Variants in FN1 observed in about 807,000 individuals in gnomAD.
FN1 encodes the protein fibronectin 1.
A neutral mutation model predicts 297.3 loss-of-function variants in FN1; 106 were observed. The observed-to-expected ratio is 0.36, with a 90% confidence interval of 0.30 to 0.42. FN1 has a LOEUF of 0.42. FN1 is among the 10% of genes least tolerant of loss of function. The probability of loss-of-function intolerance (pLI) is 1.00; values close to 1 mark genes in which losing one functional copy is unlikely to be tolerated. For missense variants in FN1, 2,690 were observed against 3,124.9 expected, an observed-to-expected ratio of 0.86 and a Z score of 3.32; for synonymous variants, 1,149 against 1,152.6, an observed-to-expected ratio of 1.00 and a Z score of 0.06.
rs752269352 is a variant in FN1 at position 215,361,994 on chromosome 2, T to C, written c.7337A>G (p.Gln2446Arg). The C allele has an allele frequency of 1.2e-6, 2 of 1,613,230 alleles. No homozygotes were observed. Among genetic ancestry groups the C allele is most frequent in the Admixed American group, 1.7e-5 (1 of 60,016 alleles). Residue 2446 changes from glutamine to arginine, a missense_variant, in exon 45 of 46, where the codon CAG becomes CGG. Gln to Arg is a conservative substitution (Grantham distance 43, BLOSUM62 1). Transcript: ENST00000354785. ...AGTGTTTGTTCTCTGATGGTATCTC[T>C]GAGAATACTGGTTGTAGGACTGGCC... ...TTGQSYNQYS[Q>R]RYHQRTNTNV...
intron 20 of FN1, 60 bp from the exon 21 acceptor site, chr2:215,399,411 TA>T (rs1451717684): frequency 9.1e-6 from 10 of 1,103,866 alleles, no homozygotes; most frequent in Non-Finnish European, 1.4e-5. Context: ...TTGCATAGCA[TA>T]TAGATAACAA....
chr2:215,412,598 G>A (rs1169431208), intron 13 of FN1, among the ~76,000 whole-genome samples: 2 of 151,970 alleles, frequency 1.3e-5, no homozygotes, highest in African/African-American at 4.8e-5. Flanking sequence ...TACCATGCCC[G>A]GCTAATTTTT....
chr2:215,403,263 C>T (rs1266916373), intron 20 of FN1, among the ~76,000 whole-genome samples: 2 of 152,108 alleles, frequency 1.3e-5, no homozygotes, highest in East Asian at 1.9e-4. Context: ...AAAAAGCCTT[C>T]ATGAGCCAAA....
intron 45 of FN1, 111 bp downstream of exon 45, chr2:215,361,858 G>GT (rs1220584075): frequency 8.0e-6 from 11 of 1,383,586 alleles, no homozygotes; most frequent in Admixed American, 2.2e-5. Flanking sequence ...TCATTTATGA[G>GT]TTGTTTTTTT....
chr2:215,428,180 C>T lies in FN1; in HGVS notation c.844G>A (p.Gly282Arg). ...CGCCCCTGCTCGTCCTGTGCCTCAC[C>T]GCTCGATGTGGTCTGCACAGAGGTG... The part of the protein sequence containing the change: ...RHTSVQTTSS[G>R]SGPFTDVRAA... The change falls in exon 6 of 46, where the codon GGA (glycine) becomes AGA (arginine). Residue 282 changes from glycine (G) to arginine (R), a missense_variant and splice_region_variant. Gly to Arg is a moderately radical substitution (Grantham distance 125, BLOSUM62 -2). Coordinates refer to ENST00000354785, the MANE Select transcript of FN1 (RefSeq NM_212482.4). The T allele has an allele frequency of 1.9e-6, 3 of 1,613,996 alleles. No individual in the cohort carries two copies. The highest frequency in any genetic ancestry group is 2.5e-6 in the Non-Finnish European group (3 of 1,180,038).
At chr2:215,382,740 C>T (rs1250933300) in intron 31 of FN1, among the ~76,000 whole-genome samples, 13 of 152,094 alleles carry the variant, frequency 8.5e-5, no homozygotes, top group African/African-American at 2.9e-4. Context: ...GAATGATAAA[C>T]AAAACCAGAA....
At position 215,372,008 on chromosome 2, in the gene FN1, T is replaced by G; in HGVS notation, c.6615A>C (p.Glu2205Asp). 6.2e-7 allele frequency: 1 copy of G among 1,614,220 alleles called. No individual in the cohort carries two copies. The highest frequency in any genetic ancestry group is 8.5e-7 in the Non-Finnish European group (1 of 1,180,040). The change falls in exon 40 of 46, where the codon GAA becomes GAC. Residue 2205 changes from glutamate to aspartate, a missense_variant. Coordinates refer to ENST00000354785, the MANE Select transcript of FN1 (RefSeq NM_212482.4). ...ATGAGATGGTTGTCTGAGAGAGAGCTTCTTGTCCTGTAGAGGCATTTGGAT... is the reference window on the plus strand; with the variant it reads ...ATGAGATGGTTGTCTGAGAGAGAGCGTCTTGTCCTGTAGAGGCATTTGGAT... ...GLNPNASTGQ[E>D]ALSQTTISWA...
chr2:215,374,002 C>T (rs763405779), intron 38 of FN1, among the ~76,000 whole-genome samples: 1 of 152,136 alleles, frequency 6.6e-6, no homozygotes, highest in Non-Finnish European at 1.5e-5. Flanking sequence ...ATTCTTTTAA[C>T]GTGGTCTTAT....
chr2:215,382,919 C>T (rs1271075423), intron 31 of FN1, among the ~76,000 whole-genome samples: 2 of 151,658 alleles, frequency 1.3e-5, no homozygotes, highest in African/African-American at 4.8e-5. Flanking sequence ...ATAGTACTCA[C>T]AACAAGGTAG....
Position 215,436,001 on chromosome 2 carries a change from A to G in FN1, c.-199T>C. 8.2e-7 allele frequency: 1 copy of G among 1,218,668 alleles called. No homozygotes were observed. The highest frequency in any genetic ancestry group is 2.9e-5 in the Admixed American group (1 of 34,260). 75.5% of individuals were successfully genotyped at this position (1,218,668 alleles called of 1,614,324 possible). The stretch of plus-strand genomic sequence containing the variant: ...AGAGGACCAGAGAAGTTGTGGCTGC[A>G]GGTCCCCTCTTCCCGCTCGCGCCTG... On this transcript the variant is annotated 5_prime_UTR_variant, in exon 1 of 46. Transcript: ENST00000354785.
chr2:215,416,655 C>T (rs1038717038), intron 12 of FN1, among the ~76,000 whole-genome samples: 1 of 152,116 alleles, frequency 6.6e-6, no homozygotes, highest in African/African-American at 2.4e-5. Context: ...TTAGTCTTGT[C>T]AATCATGATT....
chr2:215,401,259 A>AAAGGAAGGAAGGAAGGAAGGAAGG (rs1553629757), intron 20 of FN1, among the ~76,000 whole-genome samples: 1 of 81,748 alleles, frequency 1.2e-5, no homozygotes, highest in African/African-American at 4.8e-5. Flanking sequence ...AGGAAGAAAG[A>AAAGGAAGGAAGGAAGGAAGGAAGG]AAGGAAGGAA....
intron 31 of FN1, 99 bp downstream of exon 31, chr2:215,383,229 A>G (rs1167472436): frequency 1.1e-5 from 14 of 1,235,416 alleles, no homozygotes; most frequent in Non-Finnish European, 1.6e-5. Context: ...GCTGGTCTCG[A>G]ACTCCTAACC....
At chr2:215,379,991 C>A (rs1036122338) in intron 33 of FN1, 1 of 152,490 alleles carries the variant, frequency 6.6e-6, no homozygotes, top group African/African-American at 2.4e-5. Flanking sequence ...CCACTGCACC[C>A]GGCCTCCTTT....
In FN1 at chr2:215,409,599, C is replaced by T; in HGVS notation, c.2263G>A (p.Glu755Lys). The change falls in exon 15 of 46, where the codon GAG becomes AAG. Residue 755 changes from glutamate to lysine, a missense_variant. Physicochemically the swap from Glu to Lys is moderately conservative, Grantham distance 56. Coordinates refer to ENST00000354785, the MANE Select transcript of FN1 (RefSeq NM_212482.4). ...GGCTCATCTCCCTCCTCACTCAGCT[C>T]ATATTCCACCCGGAATCCCGACACG... ...DTVSGFRVEY[E>K]LSEEGDEPQY... is the part of the protein sequence containing the mutation. The T allele has an allele frequency of 6.2e-7, 1 of 1,614,000 alleles. No homozygotes were observed. Among genetic ancestry groups the T allele is most frequent in the Non-Finnish European group, 8.5e-7 (1 of 1,180,028 alleles).
At position 215,408,528 on chromosome 2, in the gene FN1, G is replaced by C. The variant is rs909509033; in HGVS notation, c.2300-102C>G. The C allele has an allele frequency of 2.7e-6, 3 of 1,130,316 alleles. No individual in the cohort carries two copies. The African/African-American group carries it at 4.6e-5, about 18-fold the overall frequency. 70.0% of individuals were successfully genotyped at this position (1,130,316 alleles called of 1,614,324 possible). A position where few individuals can be genotyped will look rare whatever the true frequency, so the allele number is the denominator to read the frequency against. Reference sequence around the variant, plus strand: ...ATTTTAAGAATTATATATTCATAGGGAAAAGCGACTAGAAGGTAATGTGCT... The same window carrying C: ...ATTTTAAGAATTATATATTCATAGGCAAAAGCGACTAGAAGGTAATGTGCT... On this transcript the variant is annotated intron_variant, in intron 15 of 45. Transcript: ENST00000354785.
Position 215,406,297 on chromosome 2 carries a change from T to G in FN1, c.2927A>C (p.Lys976Thr), listed in dbSNP as rs868515696. Residue 976 changes from lysine (K) to threonine (T), a missense_variant, in exon 19 of 46, where the codon AAA (lysine) becomes ACA (threonine). Coordinates refer to ENST00000354785, the MANE Select transcript of FN1 (RefSeq NM_212482.4). Reference protein sequence around the residue: ...GLSPGVTYYFKVFAVSHGRES... With the variant: ...GLSPGVTYYFTVFAVSHGRES... ...CCTCCCATGGCTCACTGCAAAGACT[T>G]TGAAGTAATAGGTGACCCCAGGGGA... The G allele has an allele frequency of 1.4e-5, 22 of 1,614,062 alleles. No individual in the cohort carries two copies. The highest frequency in any genetic ancestry group is 1.8e-5 in the Non-Finnish European group (21 of 1,180,034).
In FN1 at chr2:215,420,573, G is replaced by A. The variant is rs2064141791; in HGVS notation, c.1675+100C>T. ...TTTGCAAGCAACTGATCAAAGTCTGGAGCCAACTTCAGTCATGTGATTTCA... is the reference window on the plus strand; with the variant it reads ...TTTGCAAGCAACTGATCAAAGTCTGAAGCCAACTTCAGTCATGTGATTTCA... On this transcript the variant is annotated intron_variant, in intron 11 of 45. Transcript: ENST00000354785. 2.7e-6 allele frequency: 4 copies of A among 1,473,208 alleles called. No homozygotes were observed. The South Asian group carries it at 3.4e-5, about 13-fold the overall frequency. 91.3% of individuals were successfully genotyped at this position (1,473,208 alleles called of 1,614,324 possible). A position where few individuals can be genotyped will look rare whatever the true frequency, so the allele number is the denominator to read the frequency against.
chr2:215,373,547 A>G (rs2056660148), intron 38 of FN1, 136 bp from the exon 39 acceptor site: 1 of 726,624 alleles, frequency 1.4e-6, no homozygotes, highest in Non-Finnish European at 2.5e-6. Flanking sequence ...GGTAAAATCG[A>G]CTTCACTTTT....
Sources: allele counts gnomAD v4.1 joint callset (sites outside exome capture counted in the v4.1 genomes callset), GRCh38; gene constraint gnomAD v4.1.1; transcripts MANE v1.5; gene names NCBI Gene and HGNC (gene_info 2026-07-23, HGNC 2026-07-21).